The following FOXP1 variants were observed in gnomAD, a reference collection of about 807,000 sequenced individuals.
FOXP1 encodes forkhead box P1, also known as forkhead box protein P1.
A neutral mutation model predicts 98.2 loss-of-function variants in FOXP1; 15 were observed. The observed-to-expected ratio is 0.15, with a 90% CI of 0.10 to 0.24. The LOEUF (loss-of-function observed/expected upper bound fraction) is 0.24. Among genes scored for constraint, FOXP1 ranks in the 10% least tolerant of loss-of-function variants. The pLI is 1.00. For missense variants in FOXP1, 633 were observed against 848.5 expected (o/e 0.75, Z 3.15); for synonymous variants, 371 against 314.5 (o/e 1.18, Z -1.90).
chr3:71,142,512 T>C (rs1244749489), intron 6 of FOXP1, among the ~76,000 whole-genome samples: 1 of 152,186 alleles, frequency 6.6e-6, no homozygotes, highest in African/African-American at 2.4e-5. Context: ...CAAGAAAGAC[T>C]GATGTGCCCC....
intron 5 of FOXP1, among the ~76,000 whole-genome samples, chr3:71,256,543 C>G (rs1208886988): frequency 6.6e-6 from 1 of 152,026 alleles, no homozygotes; most frequent in Non-Finnish European, 1.5e-5. Context: ...ACTATCACAC[C>G]CAGCTAATTT....
chr3:71,434,541 C>A (rs1446335263), intron 3 of FOXP1, among the ~76,000 whole-genome samples: 1 of 152,106 alleles, frequency 6.6e-6, no homozygotes, highest in Admixed American at 6.6e-5. Context: ...GAAATGTACA[C>A]ACAAAAACAC....
intron 19 of FOXP1, chr3:70,969,294 T>C (rs1320621713): frequency 6.6e-6 from 1 of 152,176 alleles, no homozygotes. Context: ...TGCTTTCATT[T>C]ACTCTTCTAA....
At chr3:71,045,106 A>C (rs1019742831) in intron 10 of FOXP1, among the ~76,000 whole-genome samples, 3 of 152,212 alleles carry the variant, frequency 2.0e-5, no homozygotes, top group Non-Finnish European at 1.5e-5. Context: ...CTGACACCAG[A>C]AATATTTATA....
intron 19 of FOXP1, chr3:70,969,301 C>T (rs2035665335): frequency 6.6e-6 from 1 of 152,114 alleles, no homozygotes; most frequent in Admixed American, 6.5e-5. Context: ...ATTTACTCTT[C>T]TAAAGTTACT....
intron 5 of FOXP1, among the ~76,000 whole-genome samples, chr3:71,298,148 T>C (rs1464816056): frequency 1.3e-5 from 2 of 152,124 alleles, no homozygotes; most frequent in African/African-American, 2.4e-5. Context: ...ACCCTTGATA[T>C]AGATTAATGT....
intron 14 of FOXP1, among the ~76,000 whole-genome samples, chr3:70,986,595 T>C (rs2039776124): frequency 6.6e-6 from 1 of 152,204 alleles, no homozygotes; most frequent in African/African-American, 2.4e-5. Context: ...CCAAGTTGTC[T>C]CAGAGGCTCA....
intron 6 of FOXP1, among the ~76,000 whole-genome samples, chr3:71,148,653 C>A (rs541055206): frequency 3.9e-5 from 6 of 152,292 alleles, no homozygotes; most frequent in African/African-American, 1.4e-4. Flanking sequence ...ATTATGAGCA[C>A]TAGCCTCAGT....
intron 18 of FOXP1, 44 bp from the exon 19 acceptor site, chr3:70,970,849 C>G (rs773711956): frequency 3.5e-6 from 5 of 1,435,542 alleles, no homozygotes; most frequent in Non-Finnish European, 4.9e-6. Flanking sequence ...ACACAGTCGA[C>G]TGCTGAGTTC....
At chr3:71,465,073 C>T (rs144666281) in intron 3 of FOXP1, among the ~76,000 whole-genome samples, 20 of 152,064 alleles carry the variant, frequency 1.3e-4, no homozygotes, top group African/African-American at 3.6e-4. Context: ...TTTGGGAGTC[C>T]GAGGTAGGCG....
chr3:71,090,959 T>A (rs755057358), intron 7 of FOXP1, among the ~76,000 whole-genome samples: 1 of 152,160 alleles, frequency 6.6e-6, no homozygotes, highest in African/African-American at 2.4e-5. Flanking sequence ...CAGTATTATA[T>A]AAAATTCAAT....
chr3:71,121,437 A>G (rs2058762742), intron 6 of FOXP1, among the ~76,000 whole-genome samples: 1 of 151,918 alleles, frequency 6.6e-6, no homozygotes, highest in Admixed American at 6.6e-5. Context: ...TTTAATGACT[A>G]CAAACAGTCA....
chr3:71,288,099 C>T (rs1323299859), intron 5 of FOXP1, among the ~76,000 whole-genome samples: 1 of 152,104 alleles, frequency 6.6e-6, no homozygotes, highest in African/African-American at 2.4e-5. Flanking sequence ...AGGCTGGTCT[C>T]GAACTCCTGA....
In FOXP1 at chr3:71,198,317, C is replaced by A. The variant is rs1382312066; in HGVS notation, c.65G>T (p.Gly22Val). The change falls in exon 6 of 21, where the codon GGC (glycine) becomes GTC (valine). Residue 22 changes from glycine (G) to valine (V), a missense_variant. By Grantham distance (109) the Gly-to-Val change is moderately radical. This residue lies in a region of FOXP1 where 103 missense variants were observed against 85.5 expected (regional missense o/e 1.20). Transcript: ENST00000649528. Reference sequence around the variant, plus strand: ...GCCGCACTCTAGTAAGTGGTTGCTGCCGCCCGACCCATTCTGGATGGCTGA... The same window carrying A: ...GCCGCACTCTAGTAAGTGGTTGCTGACGCCCGACCCATTCTGGATGGCTGA... ...NGSAIQNGSGGSNHLLECGGL... is the reference protein window; with the variant it reads ...NGSAIQNGSGVSNHLLECGGL... The A allele has an allele frequency of 1.2e-6, 2 of 1,613,966 alleles. No homozygotes were observed. Among genetic ancestry groups the A allele is most frequent in the Non-Finnish European group, 1.7e-6 (2 of 1,180,014 alleles).
chr3:71,148,373 T>A (rs1390576492), intron 6 of FOXP1, among the ~76,000 whole-genome samples: 1 of 143,130 alleles, frequency 7.0e-6, no homozygotes, highest in Non-Finnish European at 1.6e-5. Context: ...AGAACGAGAC[T>A]CGGTCTCAAA....
chr3:71,547,435 T>C (rs2045449975), intron 2 of FOXP1, among the ~76,000 whole-genome samples: 1 of 152,198 alleles, frequency 6.6e-6, no homozygotes, highest in South Asian at 2.1e-4. Context: ...AGGTGGGGCC[T>C]CTAGGGCGAG....
At chr3:71,119,194 C>A (rs1011463517) in intron 6 of FOXP1, among the ~76,000 whole-genome samples, 1 of 152,188 alleles carries the variant, frequency 6.6e-6, no homozygotes, top group Admixed American at 6.5e-5. Context: ...CTGTTTAAAA[C>A]TTGCCTCAAA....
intron 7 of FOXP1, among the ~76,000 whole-genome samples, chr3:71,091,157 A>C (rs536186244): frequency 1.2e-4 from 12 of 100,408 alleles, no homozygotes; most frequent in Admixed American, 6.6e-4. Flanking sequence ...CCTCTGAATT[A>C]ATCTGCTGGG....
At chr3:71,001,179 A>G in intron 12 of FOXP1, 120 bp from the exon 13 acceptor site, 1 of 735,376 alleles carries the variant, frequency 1.4e-6, no homozygotes, top group Non-Finnish European at 2.4e-6. Flanking sequence ...ATAGTAGTCC[A>G]GGGGGTGGCC....
Sources: gnomAD v4.1 joint callset for allele counts (sites outside exome capture counted in the v4.1 genomes callset) on GRCh38, gnomAD v4.1.1 for gene constraint, gnomAD v4.1.1 regional missense constraint, MANE v1.5 for transcripts, NCBI Gene and HGNC (gene_info 2026-07-23, HGNC 2026-07-21) for gene names.